Variants in ME1 observed in about 807,000 individuals in gnomAD.
ME1 encodes malic enzyme 1, also known as NADP-dependent malic enzyme.
Under a neutral mutation model 66.4 loss-of-function variants are expected in ME1, and 74 were observed. The observed-to-expected ratio is 1.11, with a 90% CI of 0.92 to 1.35. The LOEUF (loss-of-function observed/expected upper bound fraction) is 1.35. ME1 is among the 40% of genes most tolerant of loss of function. ME1 has a pLI of 0.00. For synonymous variants in ME1, 251 were observed against 235.6 expected, an observed-to-expected ratio of 1.07 and a Z score of -0.60; for missense variants, 750 against 694.1, an observed-to-expected ratio of 1.08 and a Z score of -0.90.
At chr6:83,323,487 A>AAAAC (rs1163176957) in intron 5 of ME1, among the ~76,000 whole-genome samples, 3 of 144,118 alleles carry the variant, frequency 2.1e-5, no homozygotes, top group African/African-American at 5.2e-5. Context: ...AAGCAAAACA[A>AAAAC]AAACAAACAA....
intron 6 of ME1, among the ~76,000 whole-genome samples, chr6:83,267,520 A>T (rs1767008296): frequency 6.6e-6 from 1 of 152,230 alleles, no homozygotes; most frequent in Admixed American, 6.5e-5. Context: ...AGAGGAGAAC[A>T]GTTTTAGCCT....
chr6:83,392,824 CA>C (rs1769649311), intron 3 of ME1: 5 of 742,394 alleles, frequency 6.7e-6, no homozygotes, highest in Middle Eastern at 7.9e-4. Context: ...GGGTGTGAAC[CA>C]TGAGAAATAT....
chr6:83,227,280 C>T lies in ME1; in HGVS notation c.1275+55G>A. On this transcript the variant is annotated intron_variant, in intron 11 of 13. Coordinates refer to ENST00000369705, the MANE Select transcript of ME1 (RefSeq NM_002395.6). ...TAAGCACCTTAGATATCCTAGGCCTCCCTATAATGAATAAAAATTTGATTA... is the reference window on the plus strand; with the variant it reads ...TAAGCACCTTAGATATCCTAGGCCTTCCTATAATGAATAAAAATTTGATTA... 2.3e-6 allele frequency: 3 copies of T among 1,289,262 alleles called. No homozygotes were observed. In the South Asian group the frequency reaches 6.0e-5, roughly 26 times the overall value. The allele number at this position is 1,289,262 out of a possible 1,614,324, so 79.9% of individuals were successfully genotyped here.
chr6:83,307,702 T>C (rs1767852504), intron 6 of ME1, among the ~76,000 whole-genome samples: 1 of 152,070 alleles, frequency 6.6e-6, no homozygotes, highest in Non-Finnish European at 1.5e-5. Context: ...TGAAATTAAC[T>C]GCAGAAGAAA....
chr6:83,372,146 A>G (rs1254961797), intron 3 of ME1, among the ~76,000 whole-genome samples: 1 of 152,196 alleles, frequency 6.6e-6, no homozygotes, highest in East Asian at 1.9e-4. Context: ...AAAGATGATC[A>G]CAAATCCTTT....
intron 6 of ME1, among the ~76,000 whole-genome samples, chr6:83,277,727 C>G (rs1046076049): frequency 6.6e-6 from 1 of 151,882 alleles, no homozygotes; most frequent in Non-Finnish European, 1.5e-5. Context: ...CATGGTGAAA[C>G]CCCGTCACTA....
chr6:83,384,504 C>T (rs1467850500), intron 3 of ME1, among the ~76,000 whole-genome samples: 4 of 151,516 alleles, frequency 2.6e-5, no homozygotes, highest in Non-Finnish European at 5.9e-5. Flanking sequence ...TTGGTTTTTG[C>T]TTGTAAATTT....
chr6:83,402,077 T>C (rs537125075), intron 2 of ME1, among the ~76,000 whole-genome samples: 14 of 152,200 alleles, frequency 9.2e-5, no homozygotes, highest in Non-Finnish European at 1.3e-4. Flanking sequence ...AAACGAAGTG[T>C]GGGGAATGAG....
chr6:83,423,807 A>C (rs1770317319), intron 1 of ME1, among the ~76,000 whole-genome samples: 1 of 151,934 alleles, frequency 6.6e-6, no homozygotes, highest in Admixed American at 6.6e-5. Flanking sequence ...AAAAAAATGA[A>C]AAATAAATAA....
chr6:83,265,287 G>A (rs1285536778), intron 6 of ME1, among the ~76,000 whole-genome samples: 1 of 151,914 alleles, frequency 6.6e-6, no homozygotes, highest in East Asian at 1.9e-4. Flanking sequence ...ACACAAGTGA[G>A]TTTTATTTTA....
chr6:83,292,243 C>G (rs909970663), intron 6 of ME1, among the ~76,000 whole-genome samples: 3 of 152,300 alleles, frequency 2.0e-5, no homozygotes, highest in African/African-American at 7.2e-5. Flanking sequence ...GGTTTCTACA[C>G]ATCTTTGTGG....
intron 1 of ME1, among the ~76,000 whole-genome samples, chr6:83,429,955 A>G (rs1770452237): frequency 1.3e-5 from 2 of 152,194 alleles, no homozygotes; most frequent in Admixed American, 1.3e-4. Flanking sequence ...AACAATCCCG[A>G]GACAAACCTG....
At chr6:83,372,113 G>A (rs1301488762) in intron 3 of ME1, among the ~76,000 whole-genome samples, 1 of 152,104 alleles carries the variant, frequency 6.6e-6, no homozygotes, top group Non-Finnish European at 1.5e-5. Flanking sequence ...ACAGTGTCTA[G>A]CAAATAGTAG....
chr6:83,306,269 T>C (rs1412517817), intron 6 of ME1, among the ~76,000 whole-genome samples: 2 of 151,928 alleles, frequency 1.3e-5, no homozygotes, highest in African/African-American at 4.8e-5. Context: ...CTTGCTAAAT[T>C]AAAGTTAAGA....
At chr6:83,305,974 C>T (rs1583369804) in intron 6 of ME1, among the ~76,000 whole-genome samples, 2 of 152,254 alleles carry the variant, frequency 1.3e-5, no homozygotes, top group African/African-American at 2.4e-5. Context: ...ATTGCTTTCA[C>T]ATGTTCATAC....
In ME1 at chr6:83,223,764, G is replaced by A. The variant is rs1439922316; in HGVS notation, c.1445C>T (p.Ala482Val). ...ACTTAGAGGATTTTACAATACCTCA[G>A]CAGTAGTGAGGAAAATATTATCTGT... The part of the protein sequence containing the change: ...QITDNIFLTT[A>V]EVIAQQVSDK... Residue 482 changes from alanine (A) to valine (V), a missense_variant, in exon 12 of 14, where the codon GCT becomes GTT. Transcript: ENST00000369705. 3 of 1,613,052 alleles carry A rather than the reference G, an allele frequency of 1.9e-6. No individual in the cohort carries two copies. Among genetic ancestry groups the A allele is most frequent in the South Asian group, 1.1e-5 (1 of 91,034 alleles).
At chr6:83,236,282 C>G (rs1234209327) in intron 9 of ME1, among the ~76,000 whole-genome samples, 1 of 152,008 alleles carries the variant, frequency 6.6e-6, no homozygotes, top group Non-Finnish European at 1.5e-5. Flanking sequence ...CAATAATATC[C>G]TCATACATAA....
chr6:83,220,374 G>A (rs1790068797), intron 12 of ME1, among the ~76,000 whole-genome samples: 2 of 152,192 alleles, frequency 1.3e-5, no homozygotes, highest in South Asian at 2.1e-4. Flanking sequence ...GATGTGAGGA[G>A]TCTATTCCCA....
At chr6:83,233,727 TTAA>T (rs1790344414) in intron 9 of ME1, among the ~76,000 whole-genome samples, 1 of 151,558 alleles carries the variant, frequency 6.6e-6, no homozygotes. Flanking sequence ...GTTAATAAAA[TTAA>T]TAAAATTATT....
Sources: allele counts gnomAD v4.1 joint callset (sites outside exome capture counted in the v4.1 genomes callset), GRCh38; gene constraint gnomAD v4.1.1; transcripts MANE v1.5; gene names NCBI Gene and HGNC (gene_info 2026-07-23, HGNC 2026-07-21).